Variants in LY96 observed in about 807,000 individuals in gnomAD.
LY96 encodes myeloid differentiation protein-2.
A neutral mutation model predicts 18.9 loss-of-function variants in LY96; 18 were observed. The observed-to-expected ratio is 0.95, with a 90% CI of 0.66 to 1.41. The LOEUF is 1.41. Ranked by LOEUF, LY96 falls within the 40% of genes most tolerant of loss-of-function variation. The pLI, the probability that LY96 is intolerant of heterozygous loss-of-function variation, is 0.00. For missense variants in LY96, 175 were observed against 182.4 expected, an observed-to-expected ratio of 0.96 and a Z score of 0.23; for synonymous variants, 66 against 62.6, an observed-to-expected ratio of 1.06 and a Z score of -0.26.
the LY96 span, among the ~76,000 whole-genome samples, chr8:74,086,369 G>T: frequency 6.6e-6 from 1 of 152,214 alleles, no homozygotes; most frequent in Non-Finnish European, 1.5e-5. Context: ...CACTCCGGAA[G>T]CCTTTGCTGA....
intron 3 of LY96, among the ~76,000 whole-genome samples, chr8:74,019,593 C>G (rs964227574): frequency 6.6e-6 from 1 of 152,240 alleles, no homozygotes; most frequent in East Asian, 1.9e-4. Context: ...ATCCTGATAC[C>G]AAAGCCTGGC....
intron 1 of LY96, among the ~76,000 whole-genome samples, chr8:73,996,365 C>CA (rs1816131756): frequency 8.3e-6 from 1 of 120,046 alleles, no homozygotes; most frequent in African/African-American, 3.4e-5. Flanking sequence ...TCCTTCCTTC[C>CA]TTCATTCCTT....
At chr8:73,994,378 C>T (rs1387368330) in intron 1 of LY96, among the ~76,000 whole-genome samples, 1 of 152,178 alleles carries the variant, frequency 6.6e-6, no homozygotes, top group Non-Finnish European at 1.5e-5. Flanking sequence ...AGCACTGATT[C>T]CTCTAGGTAC....
chr8:73,999,536 A>T (rs188502197), intron 1 of LY96, among the ~76,000 whole-genome samples: 227 of 152,330 alleles, frequency 1.5e-3, no homozygotes, highest in African/African-American at 5.3e-3. Context: ...CTGGGGTTAC[A>T]GGTGTGAGCC....
chr8:74,015,745 G>A (rs568424076), intron 3 of LY96, among the ~76,000 whole-genome samples: 25 of 152,320 alleles, frequency 1.6e-4, no homozygotes, highest in Middle Eastern at 6.8e-3. Context: ...TGGACCATGA[G>A]TGAGCTGCAT....
Position 73,991,504 on chromosome 8 carries a change from A to G in LY96, c.62A>G (p.Gln21Arg). Reference sequence around the variant, plus strand: ...TCCATATTTACTGAAGCTCAGAAGCAGTATTGGGTCTGCAACTCATCCGAT... The same window carrying G: ...TCCATATTTACTGAAGCTCAGAAGCGGTATTGGGTCTGCAACTCATCCGAT... ...FSSIFTEAQK[Q>R]YWVCNSSDAS... Residue 21 changes from glutamine to arginine, a missense_variant, in exon 1 of 5, where the codon CAG becomes CGG. By Grantham distance (43) the Gln-to-Arg change is conservative. Coordinates refer to ENST00000284818, the MANE Select transcript of LY96 (RefSeq NM_015364.5). 2 of 1,613,638 alleles carry G rather than the reference A, an allele frequency of 1.2e-6. No homozygotes were observed. Among genetic ancestry groups the G allele is most frequent in the South Asian group, 1.1e-5 (1 of 91,084 alleles).
the LY96 span, among the ~76,000 whole-genome samples, chr8:74,035,661 A>G: frequency 3.9e-5 from 6 of 152,210 alleles, no homozygotes; most frequent in Admixed American, 2.0e-4. Flanking sequence ...TAACAGCAAC[A>G]TAGACCTTAA....
chr8:74,014,949 G>A (rs1816613235), intron 3 of LY96, among the ~76,000 whole-genome samples: 1 of 152,092 alleles, frequency 6.6e-6, no homozygotes, highest in African/African-American at 2.4e-5. Context: ...GCTCATGCCT[G>A]CAATCCCAGC....
intron 3 of LY96, among the ~76,000 whole-genome samples, chr8:74,022,586 T>TTC (rs889267938): frequency 6.7e-6 from 1 of 149,894 alleles, no homozygotes; most frequent in African/African-American, 2.4e-5. Context: ...TTTTTCTTTT[T>TTC]TTTTTTTTTT....
At chr8:74,002,271 G>C (rs968584012) in intron 1 of LY96, among the ~76,000 whole-genome samples, 1 of 151,348 alleles carries the variant, frequency 6.6e-6, no homozygotes, top group Non-Finnish European at 1.5e-5. Flanking sequence ...TGAGTAGCTG[G>C]GATTATAGCC....
intron 3 of LY96, among the ~76,000 whole-genome samples, chr8:74,021,923 G>T (rs1488328455): frequency 6.6e-6 from 1 of 152,078 alleles, no homozygotes; most frequent in Non-Finnish European, 1.5e-5. Context: ...GCCTGTCATG[G>T]GGTGGGGGGC....
At chr8:74,030,090 C>T (rs974896202), downstream of LY96, among the ~76,000 whole-genome samples, 3 of 152,178 alleles carry the variant, frequency 2.0e-5, no homozygotes, top group Admixed American at 6.5e-5. Flanking sequence ...TTGGGCCAAG[C>T]TTGAGGACTG....
intron 2 of LY96, among the ~76,000 whole-genome samples, chr8:74,006,479 C>T (rs530566112): frequency 3.3e-5 from 5 of 152,110 alleles, no homozygotes; most frequent in Middle Eastern, 3.4e-3. Flanking sequence ...ATTACAGGCG[C>T]GAGCCACCGT....
At chr8:74,071,031 T>C in the LY96 span, among the ~76,000 whole-genome samples, 1 of 152,144 alleles carries the variant, frequency 6.6e-6, no homozygotes, top group Non-Finnish European at 1.5e-5. Context: ...CTTATTCTCA[T>C]CCCCATTTTA....
At chr8:74,067,543 T>TACACA in the LY96 span, among the ~76,000 whole-genome samples, 1 of 152,082 alleles carries the variant, frequency 6.6e-6, no homozygotes, top group South Asian at 2.1e-4. Flanking sequence ...TGTTAGAGTT[T>TACACA]GACACAGTGA....
intron 1 of LY96, among the ~76,000 whole-genome samples, chr8:74,001,208 C>G (rs1816257404): frequency 1.3e-5 from 2 of 149,666 alleles, no homozygotes; most frequent in Non-Finnish European, 3.0e-5. Flanking sequence ...AAGAAAGCCT[C>G]TATCTCTAAA....
chr8:74,029,954 C>G (rs898959268), downstream of LY96, among the ~76,000 whole-genome samples: 2 of 151,928 alleles, frequency 1.3e-5, no homozygotes, highest in Admixed American at 1.3e-4. Context: ...CCAACCTAAA[C>G]CTCTTTCCTT....
chr8:73,997,316 G>A (rs868713482), intron 1 of LY96, among the ~76,000 whole-genome samples: 38 of 152,082 alleles, frequency 2.5e-4, no homozygotes, highest in Non-Finnish European at 1.8e-4. Context: ...CTATATCCAA[G>A]TGCTTCTCAC....
At chr8:74,018,457 C>T (rs1458223984) in intron 3 of LY96, among the ~76,000 whole-genome samples, 2 of 152,124 alleles carry the variant, frequency 1.3e-5, no homozygotes, top group African/African-American at 2.4e-5. Context: ...GACTTAGACT[C>T]CCACACAATA....
Sources: gnomAD v4.1 joint callset for allele counts (sites outside exome capture counted in the v4.1 genomes callset) on GRCh38, gnomAD v4.1.1 for gene constraint, MANE v1.5 for transcripts, NCBI Gene and HGNC (gene_info 2026-07-23, HGNC 2026-07-21) for gene names.